The following BTD variants were observed in gnomAD, a reference collection of about 807,000 sequenced individuals.
BTD encodes biotinidase.
A neutral mutation model predicts 17.7 loss-of-function variants in BTD; 13 were observed. The observed-to-expected ratio is 0.74, with a 90% CI of 0.48 to 1.17. The LOEUF (loss-of-function observed/expected upper bound fraction) is 1.17, where lower values mean the gene tolerates loss of function less well. Among genes scored for constraint, BTD ranks in the 50% most tolerant of loss-of-function variants. The pLI is 0.00. For synonymous variants in BTD, 240 were observed against 245.2 expected (o/e 0.98, Z 0.20); for missense variants, 674 against 650.4 (o/e 1.04, Z -0.39).
At chr3:15,676,047 ACACACC>A in intron 3 of BTD, 2 of 1,415,962 alleles carry the variant, frequency 1.4e-6, no homozygotes, top group Non-Finnish European at 1.9e-6. Context: ...ACATACACAT[ACACACC>A]TGGCTGTCAA....
chr3:15,711,035 GC>G (rs2072202036), exon 4 of BTD, among the ~76,000 whole-genome samples: 1 of 151,814 alleles, frequency 6.6e-6, no homozygotes, highest in South Asian at 2.1e-4. Context: ...CTACAACTTG[GC>G]TGGAATAAGA....
At chr3:15,611,183 A>G (rs1461240686) in intron 1 of BTD, among the ~76,000 whole-genome samples, 1 of 152,186 alleles carries the variant, frequency 6.6e-6, no homozygotes, top group Non-Finnish European at 1.5e-5. Flanking sequence ...GCGTCCACAC[A>G]TGGGCCAAAG....
chr3:15,676,051 A>G, intron 3 of BTD: 1 of 1,354,358 alleles, frequency 7.4e-7, no homozygotes, highest in Non-Finnish European at 1.0e-6. Context: ...ACACATACAC[A>G]CCTGGCTGTC....
intron 2 of BTD, among the ~76,000 whole-genome samples, chr3:15,638,505 T>C (rs1186865912): frequency 6.6e-6 from 1 of 152,172 alleles, no homozygotes; most frequent in Non-Finnish European, 1.5e-5. Flanking sequence ...GTACTAAGGG[T>C]TGAAATCAAA....
chr3:15,601,964 C>G, intron 1 of BTD, 70 bp downstream of exon 1: 1 of 1,590,628 alleles, frequency 6.3e-7, no homozygotes, highest in South Asian at 1.1e-5. Flanking sequence ...CCGCCCCGGG[C>G]GCCCAGTTGG....
At chr3:15,621,524 T>C (rs959826270) in intron 1 of BTD, among the ~76,000 whole-genome samples, 1 of 152,228 alleles carries the variant, frequency 6.6e-6, no homozygotes, top group African/African-American at 2.4e-5. Context: ...CTAATACATA[T>C]AGGCCTCTTC....
At chr3:15,627,762 C>T (rs1179739013) in intron 1 of BTD, among the ~76,000 whole-genome samples, 1 of 152,198 alleles carries the variant, frequency 6.6e-6, no homozygotes, top group African/African-American at 2.4e-5. Flanking sequence ...GCTCTTATTG[C>T]CCAGGCTGGA....
exon 4 of BTD, chr3:15,711,150 A>G (rs951944090): frequency 2.9e-6 from 4 of 1,364,948 alleles, no homozygotes; most frequent in Non-Finnish European, 4.1e-6. Context: ...AACAAAGATA[A>G]GAGAAAACCT....
chr3:15,654,013 C>T (rs533865502), downstream of BTD, among the ~76,000 whole-genome samples: 131 of 152,332 alleles, frequency 8.6e-4, no homozygotes, highest in African/African-American at 3.0e-3. Flanking sequence ...TGAGCCACTG[C>T]GCCCGGCCAA....
chr3:15,685,373 T>C lies in BTD; in HGVS notation c.400-24687T>C, dbSNP rs763694137. On this transcript the variant is annotated intron_variant, in intron 3 of 3. Coordinates refer to the BTD transcript ENST00000672141. ...GACAGGTGTATAGGCGTCCGGCCCCTGCTATCCCGAAGTAAGCACTTAGCA... is the reference window on the plus strand; with the variant it reads ...GACAGGTGTATAGGCGTCCGGCCCCCGCTATCCCGAAGTAAGCACTTAGCA... The C allele has an allele frequency of 9.9e-6, 16 of 1,614,004 alleles. No homozygotes were observed. In the South Asian group the frequency reaches 1.8e-4, roughly 18 times the overall value.
chr3:15,619,320 A>AT (rs2064880974), intron 1 of BTD, among the ~76,000 whole-genome samples: 2 of 151,972 alleles, frequency 1.3e-5, no homozygotes, highest in Admixed American at 6.6e-5. Context: ...TAATCATGTG[A>AT]TTTTTCTTTT....
intron 3 of BTD, chr3:15,678,353 T>A: frequency 6.3e-7 from 1 of 1,588,372 alleles, no homozygotes; most frequent in Non-Finnish European, 8.5e-7. Context: ...TGGAGAGGAG[T>A]TCTGTGATAA....
upstream of BTD, chr3:15,601,547 G>C: frequency 1.2e-6 from 2 of 1,604,544 alleles, no homozygotes; most frequent in Non-Finnish European, 1.7e-6. Flanking sequence ...TCGGCAGCAC[G>C]CCACCTCTGG....
intron 4 of BTD, among the ~76,000 whole-genome samples, chr3:15,719,709 C>T (rs953257077): frequency 6.6e-6 from 1 of 152,058 alleles, no homozygotes; most frequent in East Asian, 1.9e-4. Context: ...CCTAGGACTA[C>T]AGGATAATTT....
chr3:15,661,414 G>A lies in BTD; in HGVS notation c.399+19357G>A, dbSNP rs113509828. ...ATTTTGTTTCCCTGATGAGATGTGT[G>A]GAACATTTTTTCATATGCTTATTTG... On this transcript the variant is annotated intron_variant, in intron 3 of 3. Transcript: ENST00000672141. Among the ~76,000 whole-genome samples the A allele has an allele frequency of 4.9e-3, 749 of 152,254 alleles. 3 individuals are homozygous for A. The highest frequency in any genetic ancestry group is 6.4e-3 in the Non-Finnish European group (438 of 68,020).
At chr3:15,675,700 A>G (rs2066865425) in intron 3 of BTD, among the ~76,000 whole-genome samples, 1 of 152,250 alleles carries the variant, frequency 6.6e-6, no homozygotes, top group Non-Finnish European at 1.5e-5. Context: ...AACAGATGAT[A>G]TAGGAATTCG....
intron 3 of BTD, chr3:15,690,172 A>C: frequency 6.2e-7 from 1 of 1,608,642 alleles, no homozygotes; most frequent in Non-Finnish European, 8.5e-7. Context: ...TCAAGATCTA[A>C]CAAAGACTGT....
intron 3 of BTD, among the ~76,000 whole-genome samples, chr3:15,659,323 A>T (rs1488046795): frequency 6.8e-6 from 1 of 147,344 alleles, no homozygotes; most frequent in African/African-American, 2.5e-5. Context: ...AATAAGGCAG[A>T]TCCATGCCTG....
At position 15,651,514 on chromosome 3, in the gene BTD, G is replaced by A. The variant is rs114525205; in HGVS notation, c.*6026G>A. Among the ~76,000 whole-genome samples the A allele has an allele frequency of 0.013, 2,037 of 152,330 alleles. 29 individuals are homozygous for A. The highest frequency in any genetic ancestry group is 0.024 in the Non-Finnish European group (1,623 of 68,024). On this transcript the variant is annotated 3_prime_UTR_variant, in exon 4 of 4. Transcript: ENST00000643237. The stretch of plus-strand genomic sequence containing the variant: ...AAATGGTTACCAGAAGCAGGAGAGG[G>A]AAGCTTATGGAGAGAGCAGGCTGGC...
Sources: gnomAD v4.1 joint callset for allele counts (sites outside exome capture counted in the v4.1 genomes callset) on GRCh38, gnomAD v4.1.1 for gene constraint, MANE v1.5 for transcripts, NCBI Gene and HGNC (gene_info 2026-07-23, HGNC 2026-07-21) for gene names.